HDAC8: variants seen among roughly 807,000 people sequenced by gnomAD.
HDAC8 encodes the protein histone deacetylase-like 1.
Under a neutral mutation model 32.2 loss-of-function variants are expected in HDAC8, and 1 was observed. The observed-to-expected ratio is 0.03, with a 90% CI of 0.01 to 0.15. The LOEUF is 0.15. Ranked by LOEUF, HDAC8 falls within the 10% of genes least tolerant of loss-of-function variation. The pLI is 1.00. For synonymous variants in HDAC8, 108 were observed against 113.9 expected (o/e 0.95, Z 0.33); for missense variants, 117 against 300.0 (o/e 0.39, Z 4.51).
intron 4 of HDAC8, among the ~76,000 whole-genome samples, chrX:72,510,440 G>C (rs2049542583): frequency 8.9e-6 from 1 of 111,889 alleles, no homozygotes; most frequent in Non-Finnish European, 1.9e-5. Context: ...GGTAATACTT[G>C]CCTGAAAATG....
chrX:72,540,521 T>G (rs1414874916), intron 4 of HDAC8, among the ~76,000 whole-genome samples: 2 of 108,011 alleles, frequency 1.9e-5, no homozygotes, highest in Non-Finnish European at 3.8e-5. Context: ...CTCTAGTGGT[T>G]TTTTTTTTTG....
chrX:72,446,553 G>A (rs1434851979), intron 9 of HDAC8, among the ~76,000 whole-genome samples: 1 of 110,479 alleles, frequency 9.1e-6, no homozygotes, highest in African/African-American at 3.3e-5. Context: ...GGGAACGGGG[G>A]AGGGATAGCA....
chrX:72,551,752 C>G (rs1203973060), intron 4 of HDAC8, among the ~76,000 whole-genome samples: 15 of 112,186 alleles, frequency 1.3e-4, no homozygotes, highest in African/African-American at 4.5e-4. Flanking sequence ...TTCAGCCCTC[C>G]CTAAAATTCT....
At chrX:72,496,152 T>G (rs2049012104) in intron 4 of HDAC8, among the ~76,000 whole-genome samples, 2 of 111,670 alleles carry the variant, frequency 1.8e-5, no homozygotes, top group Admixed American at 9.6e-5. Flanking sequence ...GCCCATTTTT[T>G]TCTGAGTTCT....
chrX:72,344,464 A>G (rs782615201), intron 10 of HDAC8, among the ~76,000 whole-genome samples: 1 of 112,107 alleles, frequency 8.9e-6, no homozygotes, highest in East Asian at 2.8e-4. Flanking sequence ...GCCACTTTGT[A>G]TCCTGTTCAT....
rs868928860 is a variant in HDAC8 at position 72,472,130 on chromosome X, G to C, written c.738-7399C>G. 4.3e-4 allele frequency among the ~76,000 whole-genome samples: 45 copies of C among 104,095 alleles called. 1 individual carries two copies. Among genetic ancestry groups the C allele is most frequent in the Admixed American group, 1.0e-3 (10 of 9,843 alleles). 90.4% of individuals were successfully genotyped at this position (104,095 alleles called of 115,157 possible). ...TCGCCCAGGCTGGAGTGCAGTGGCG[G>C]GATCTCGGCTCACTGCAAGCTCCGC... On this transcript the variant is annotated intron_variant, in intron 7 of 10. Transcript: ENST00000373573.
intron 4 of HDAC8, among the ~76,000 whole-genome samples, chrX:72,538,257 C>A (rs1359018375): frequency 9.3e-6 from 1 of 107,465 alleles, no homozygotes; most frequent in Non-Finnish European, 1.9e-5. Flanking sequence ...CATCTCGGCT[C>A]ACTGCAACCT....
At chrX:72,479,126 G>A (rs782109452) in intron 7 of HDAC8, among the ~76,000 whole-genome samples, 21 of 111,900 alleles carry the variant, frequency 1.9e-4, no homozygotes, top group South Asian at 3.7e-4. Flanking sequence ...ACATCCCAAC[G>A]AGGCAGCTCA....
intron 4 of HDAC8, among the ~76,000 whole-genome samples, chrX:72,517,177 A>T (rs782608043): frequency 7.1e-5 from 8 of 112,151 alleles, no homozygotes; most frequent in African/African-American, 2.3e-4. Flanking sequence ...TCTAATGACT[A>T]ATGATGTTGA....
At chrX:72,396,200 C>T (rs1033332488) in intron 9 of HDAC8, among the ~76,000 whole-genome samples, 4 of 112,497 alleles carry the variant, frequency 3.6e-5, no homozygotes, top group Non-Finnish European at 5.6e-5. Flanking sequence ...ATTTACCCAC[C>T]GTGGCAAAGT....
intron 4 of HDAC8, among the ~76,000 whole-genome samples, chrX:72,565,539 C>T (rs782273857): frequency 8.9e-5 from 10 of 112,100 alleles, no homozygotes; most frequent in African/African-American, 3.2e-4. Context: ...CAGAAGCAGT[C>T]GTGATTGGGT....
intron 4 of HDAC8, among the ~76,000 whole-genome samples, chrX:72,530,149 G>T (rs1485345386): frequency 1.8e-5 from 2 of 112,118 alleles, no homozygotes; most frequent in Non-Finnish European, 3.8e-5. Context: ...TAGCCTAAAA[G>T]CCTTGAAAAT....
At chrX:72,382,986 C>G (rs1428841436) in intron 9 of HDAC8, among the ~76,000 whole-genome samples, 1 of 112,131 alleles carries the variant, frequency 8.9e-6, no homozygotes, top group East Asian at 2.8e-4. Context: ...TCTTCTCAGC[C>G]TTGCTATTTC....
intron 5 of HDAC8, among the ~76,000 whole-genome samples, chrX:72,493,412 G>A (rs2048928270): frequency 9.0e-6 from 1 of 111,384 alleles, no homozygotes; most frequent in Non-Finnish European, 1.9e-5. Flanking sequence ...TAGTTTCTTT[G>A]GTTCCATGCC....
intron 9 of HDAC8, among the ~76,000 whole-genome samples, chrX:72,389,567 C>A (rs1206413275): frequency 1.8e-5 from 2 of 111,817 alleles, no homozygotes; most frequent in African/African-American, 6.5e-5. Context: ...TAATGAGGAT[C>A]GCCATTTTAG....
chrX:72,532,871 T>C (rs2050396552), intron 4 of HDAC8, among the ~76,000 whole-genome samples: 1 of 112,073 alleles, frequency 8.9e-6, no homozygotes, highest in South Asian at 3.7e-4. Context: ...ACACAAGTTT[T>C]TAACTTTGAT....
At chrX:72,517,128 AG>A (rs1404358593) in intron 4 of HDAC8, among the ~76,000 whole-genome samples, 1 of 112,455 alleles carries the variant, frequency 8.9e-6, no homozygotes, top group African/African-American at 3.2e-5. Flanking sequence ...TAGCCATCTT[AG>A]TGAAGTGGCA....
At chrX:72,437,426 A>G (rs1022953828) in intron 9 of HDAC8, among the ~76,000 whole-genome samples, 2 of 111,318 alleles carry the variant, frequency 1.8e-5, no homozygotes, top group African/African-American at 6.5e-5. Context: ...TTGGGCAGAC[A>G]CTGAGCTAGC....
chrX:72,338,508 T>C (rs1555943445), intron 10 of HDAC8, among the ~76,000 whole-genome samples: 4 of 108,550 alleles, frequency 3.7e-5, no homozygotes. Context: ...CCTTGGAGGT[T>C]GGGTGGCACC....
Sources: allele counts gnomAD v4.1 joint callset (sites outside exome capture counted in the v4.1 genomes callset), GRCh38; gene constraint gnomAD v4.1.1; transcripts MANE v1.5; gene names NCBI Gene and HGNC (gene_info 2026-07-23, HGNC 2026-07-21).